Variants in GSG1 observed in about 807,000 individuals in gnomAD.
The protein encoded by GSG1 is germ cell-specific gene 1 protein.
GSG1 carries 28 observed loss-of-function variants against 30.8 expected under a neutral mutation model. The observed-to-expected ratio is 0.91, with a 90% CI of 0.67 to 1.25. The LOEUF (loss-of-function observed/expected upper bound fraction) is 1.25, where lower values mean the gene tolerates loss of function less well. Among genes scored for constraint, GSG1 ranks in the 50% most tolerant of loss-of-function variants. The pLI is 0.00. For synonymous variants in GSG1, 162 were observed against 178.0 expected (o/e 0.91, Z 0.71); for missense variants, 435 against 444.7 (o/e 0.98, Z 0.20).
intron 4 of GSG1, 31 bp downstream of exon 4, chr12:13,088,831 A>G (rs1865806138): frequency 1.1e-5 from 18 of 1,614,072 alleles, no homozygotes; most frequent in Non-Finnish European, 1.5e-5. Context: ...TGGGCCTTGC[A>G]ACGTGGCAAA....
At chr12:13,097,900 C>A (rs1862851976) in intron 1 of GSG1, among the ~76,000 whole-genome samples, 2 of 152,148 alleles carry the variant, frequency 1.3e-5, no homozygotes, top group South Asian at 2.1e-4. Flanking sequence ...TTTAGGGAAT[C>A]AAAGGCAGGT....
At position 13,088,874 on chromosome 12, in the gene GSG1, G is replaced by T. The variant is rs143931848; in HGVS notation, c.469C>A (p.Pro157Thr). ...AGTCCTTTCTCACCTCTCTTGGCTG[G>T]TGGTGTAAGTTCAATGAAACTTCGG... The part of the protein sequence containing the change: ...RCRSFIELTP[P>T]AKREILWLSL... Residue 157 changes from proline to threonine, a missense_variant, in exon 4 of 7, where the codon CCA becomes ACA. Pro to Thr is a conservative substitution (Grantham distance 38). Coordinates refer to ENST00000651961, the MANE Select transcript of GSG1 (RefSeq NM_001080555.4). 30 of 1,614,066 alleles carry T rather than the reference G, an allele frequency of 1.9e-5. No individual in the cohort carries two copies. Among genetic ancestry groups the T allele is most frequent in the Non-Finnish European group, 2.5e-5 (30 of 1,180,044 alleles).
chr12:13,084,864 G>A lies in GSG1; in HGVS notation c.*37C>T, dbSNP rs1359859987. On this transcript the variant is annotated 3_prime_UTR_variant, in exon 7 of 7. Coordinates refer to ENST00000651961, the MANE Select transcript of GSG1 (RefSeq NM_001080555.4). The stretch of plus-strand genomic sequence containing the variant: ...TGTTGATAATCAGCAGACGTGTAAG[G>A]TAGGGCTCAAGCCTACTCCCCAAAC... 33 of 1,352,440 alleles carry A rather than the reference G, an allele frequency of 2.4e-5. No homozygotes were observed. The East Asian group carries it at 8.1e-4, about 33-fold the overall frequency. The allele number at this position is 1,352,440 out of a possible 1,614,324, so 83.8% of individuals were successfully genotyped here.
chr12:13,095,047 C>T (rs1336232317), intron 1 of GSG1, among the ~76,000 whole-genome samples: 2 of 152,128 alleles, frequency 1.3e-5, no homozygotes, highest in African/African-American at 4.8e-5. Context: ...AGGTTCCTTC[C>T]AGAAGGAGTG....
chr12:13,095,896 C>T (rs1463003708), intron 1 of GSG1: 1 of 938,230 alleles, frequency 1.1e-6, no homozygotes, highest in Non-Finnish European at 1.5e-6. Flanking sequence ...GAAGCAAGGA[C>T]CTGCAATTTG....
chr12:13,092,043 C>T (rs1413708488), intron 1 of GSG1, among the ~76,000 whole-genome samples: 1 of 152,172 alleles, frequency 6.6e-6, no homozygotes, highest in Non-Finnish European at 1.5e-5. Flanking sequence ...GATTGAATGA[C>T]AGGGGCTGGC....
At position 13,084,812 on chromosome 12, in the gene GSG1, C is replaced by G; in HGVS notation, c.*89G>C. 9 of 858,854 alleles carry G rather than the reference C, an allele frequency of 1.0e-5. No individual in the cohort carries two copies. In the South Asian group the frequency reaches 1.4e-4, roughly 13 times the overall value. The allele number at this position is 858,854 out of a possible 1,614,324, so 53.2% of individuals were successfully genotyped here. ...ATTCGTAGCCTCTAAAAACCATGCT[C>G]AAGAGACGGATGTTGGCTTAAGCAC... On this transcript the variant is annotated 3_prime_UTR_variant, in exon 7 of 7. Coordinates refer to ENST00000651961, the MANE Select transcript of GSG1 (RefSeq NM_001080555.4).
chr12:13,096,108 C>T (rs1385741274), intron 1 of GSG1, among the ~76,000 whole-genome samples: 1 of 152,152 alleles, frequency 6.6e-6, no homozygotes, highest in Non-Finnish European at 1.5e-5. Flanking sequence ...ATGTCGGGGC[C>T]TCATGGAGCC....
intron 4 of GSG1, 55 bp downstream of exon 4, chr12:13,088,807 A>G: frequency 6.2e-7 from 1 of 1,614,108 alleles, no homozygotes; most frequent in East Asian, 2.2e-5. Flanking sequence ...TCCAAATCGG[A>G]GAGTGGGGTG....
rs779987642 is a variant in GSG1, at chr12:13,093,585, T to C, written c.49-2767A>G. Reference sequence around the variant, plus strand: ...CTTCCATCCACTGCCACAGAGACAATAGAGTTTCAAATGCGAGGTGGCTGT... The same window carrying C: ...CTTCCATCCACTGCCACAGAGACAACAGAGTTTCAAATGCGAGGTGGCTGT... On this transcript the variant is annotated intron_variant, in intron 1 of 6. Coordinates refer to ENST00000651961, the MANE Select transcript of GSG1 (RefSeq NM_001080555.4). This position sits in a 1 kb window ranked among gnomAD's most constrained non-coding sequence, Gnocchi z 4.6. Among the ~76,000 whole-genome samples, 11 of 151,830 alleles carry C rather than the reference T, an allele frequency of 7.2e-5. 1 individual carries two copies. The highest frequency in any genetic ancestry group is 5.9e-5 in the Non-Finnish European group (4 of 67,964).
chr12:13,098,456 A>ATTTTT lies in GSG1; in HGVS notation c.48+5004_48+5008dup, dbSNP rs771887535. On this transcript the variant is annotated intron_variant, in intron 1 of 6. Coordinates refer to ENST00000651961, the MANE Select transcript of GSG1 (RefSeq NM_001080555.4). ...CTTGTAGGATTGTTTCATGTAGCCC[A>ATTTTT]TTTTTTTTTTTTTTTTTTTTTTTTT... 2.4e-3 allele frequency among the ~76,000 whole-genome samples: 116 copies of ATTTTT among 47,398 alleles called. 33 individuals carry two copies. The highest frequency in any genetic ancestry group is 3.8e-3 in the Non-Finnish European group (100 of 26,096). The allele number at this position is 47,398 out of a possible 152,430, so 31.1% of individuals were successfully genotyped here. A position where few individuals can be genotyped will look rare whatever the true frequency, so the allele number is the denominator to read the frequency against.
chr12:13,096,994 G>GC (rs1485011674), intron 1 of GSG1, among the ~76,000 whole-genome samples: 1 of 152,090 alleles, frequency 6.6e-6, no homozygotes, highest in African/African-American at 2.4e-5. Context: ...GGGAGGCTGA[G>GC]CAGGAGAATC....
At chr12:13,096,003 G>C (rs1185471249) in intron 1 of GSG1, among the ~76,000 whole-genome samples, 1 of 152,196 alleles carries the variant, frequency 6.6e-6, no homozygotes, top group African/African-American at 2.4e-5. Flanking sequence ...TTGGATTTAT[G>C]ACAGACGAAG....
At chr12:13,087,051 A>C (rs757494851) in intron 6 of GSG1, 101 bp downstream of exon 6, 37 of 731,268 alleles carry the variant, frequency 5.1e-5, no homozygotes, top group Non-Finnish European at 6.3e-5. Context: ...ATGAGGGATG[A>C]AGAGAAGGCA....
chr12:13,090,430 T>C, intron 2 of GSG1, 73 bp downstream of exon 2: 1 of 1,438,840 alleles, frequency 7.0e-7, no homozygotes, highest in Non-Finnish European at 9.5e-7. Flanking sequence ...CGGGCCTACC[T>C]GATTTCCATG....
chr12:13,099,750 GTTTTT>G (rs57762367), intron 1 of GSG1, among the ~76,000 whole-genome samples: 1 of 114,834 alleles, frequency 8.7e-6, no homozygotes, highest in Admixed American at 9.4e-5. Context: ...GTTTTTTTTT[GTTTTT>G]TTTTTTTTTT....
Position 13,098,223 on chromosome 12 carries a change from C to T in GSG1, c.48+5242G>A, listed in dbSNP as rs1008472244. ...ACAACGCTGGGTGGCGCTATCTCCT[C>T]GTCGTTTCCGCTTCCGTCACGTGCT... On this transcript the variant is annotated intron_variant, in intron 1 of 6. Coordinates refer to ENST00000651961, the MANE Select transcript of GSG1 (RefSeq NM_001080555.4). 1.2e-4 allele frequency among the ~76,000 whole-genome samples: 18 copies of T among 151,610 alleles called. No individual in the cohort carries two copies. In the East Asian group the frequency reaches 2.5e-3, roughly 21 times the overall value.
chr12:13,103,557 G>C lies in GSG1; in HGVS notation c.-45C>G. The C allele has an allele frequency of 6.2e-7, 1 of 1,609,810 alleles. No homozygotes were observed. The highest frequency in any genetic ancestry group is 8.5e-7 in the Non-Finnish European group (1 of 1,176,158). On this transcript the variant is annotated 5_prime_UTR_variant, in exon 1 of 7. Transcript: ENST00000651961. ...GCAGAGAAGTTTCAGTTTATCTTCT[G>C]TTCTGTCTCAATCAGTTGGGTAGAA...
intron 1 of GSG1, among the ~76,000 whole-genome samples, chr12:13,096,187 A>G (rs1252499889): frequency 6.6e-6 from 1 of 152,124 alleles, no homozygotes; most frequent in African/African-American, 2.4e-5. Context: ...TAGAATAAGT[A>G]CTATTGCCGG....
Sources: allele counts gnomAD v4.1 joint callset (sites outside exome capture counted in the v4.1 genomes callset), GRCh38; gene constraint gnomAD v4.1.1; non-coding constraint Gnocchi (gnomAD v3.1); transcripts MANE v1.5; gene names NCBI Gene and HGNC (gene_info 2026-07-23, HGNC 2026-07-21).